Variants in AKAP9 observed in about 807,000 individuals in gnomAD.
AKAP9 encodes the protein A-kinase anchoring protein 9.
In AKAP9, 311 loss-of-function variants were observed where a neutral mutation model predicts 488.5. The observed-to-expected ratio is 0.64, with a 90% CI of 0.58 to 0.70. The LOEUF (loss-of-function observed/expected upper bound fraction) is 0.70, where lower values mean the gene tolerates loss of function less well. AKAP9 is among the 30% of genes least tolerant of loss of function. The pLI is 0.00. For synonymous variants in AKAP9, 1,462 were observed against 1,483.5 expected (o/e 0.99, Z 0.33); for missense variants, 4,215 against 4,374.5 (o/e 0.96, Z 1.03).
chr7:92,056,130 A>G (rs958231581), intron 22 of AKAP9, among the ~76,000 whole-genome samples: 1 of 152,002 alleles, frequency 6.6e-6, no homozygotes, highest in African/African-American at 2.4e-5. Flanking sequence ...TGTTTGCCCT[A>G]TTCTGAATCA....
Position 92,108,636 on chromosome 7 carries a change from G to A in AKAP9, c.11686+3G>A. The A allele has an allele frequency of 1.9e-6, 3 of 1,614,124 alleles. No homozygotes were observed. Among genetic ancestry groups the A allele is most frequent in the Non-Finnish European group, 2.5e-6 (3 of 1,180,002 alleles). ...ACGACTTGGAACTATACAGTCAGGT[G>A]CTCTGAGTTTAACCACATCTTGGCA... On this transcript the variant is annotated splice_donor_region_variant and intron_variant, in intron 49 of 49. Transcript: ENST00000356239.
Position 92,100,007 on chromosome 7 carries a change from G to A in AKAP9, c.10896+138G>A, listed in dbSNP as rs779834871. 15 of 721,078 alleles carry A rather than the reference G, an allele frequency of 2.1e-5. No homozygotes were observed. The Admixed American group carries it at 2.8e-4, about 13-fold the overall frequency. 44.7% of individuals were successfully genotyped at this position (721,078 alleles called of 1,614,324 possible). A position where few individuals can be genotyped will look rare whatever the true frequency, so the allele number is the denominator to read the frequency against. On this transcript the variant is annotated intron_variant, in intron 44 of 49. Coordinates refer to ENST00000356239, the MANE Select transcript of AKAP9 (RefSeq NM_005751.5). ...TAGGATCTGTAGAAAATTTTATAGGGATGACAATAATAATATTATTACTAA... is the reference window on the plus strand; with the variant it reads ...TAGGATCTGTAGAAAATTTTATAGGAATGACAATAATAATATTATTACTAA...
intron 15 of AKAP9, among the ~76,000 whole-genome samples, chr7:92,030,993 C>A (rs1804145197): frequency 6.6e-6 from 1 of 152,152 alleles, no homozygotes; most frequent in East Asian, 1.9e-4. Context: ...CATCCCATGT[C>A]ATGATGATTG....
chr7:92,010,518 T>C (rs4527812), intron 8 of AKAP9, among the ~76,000 whole-genome samples: 1 of 152,238 alleles, frequency 6.6e-6, no homozygotes, highest in Non-Finnish European at 1.5e-5. Context: ...TGAATACTGG[T>C]GTCTGAGTAC....
intron 31 of AKAP9, among the ~76,000 whole-genome samples, chr7:92,082,313 TTTCTC>T (rs1207951952): frequency 1.3e-5 from 2 of 152,204 alleles, no homozygotes; most frequent in Admixed American, 6.5e-5. Flanking sequence ...AAATCATTCT[TTTCTC>T]AAGAAGAAAA....
intron 39 of AKAP9, among the ~76,000 whole-genome samples, chr7:92,094,361 A>G (rs972240074): frequency 6.6e-6 from 1 of 151,034 alleles, no homozygotes; most frequent in African/African-American, 2.4e-5. Flanking sequence ...GTGAAACCCC[A>G]TCTCTACTAA....
At chr7:91,946,987 G>A (rs534802976) in intron 1 of AKAP9, among the ~76,000 whole-genome samples, 8 of 152,220 alleles carry the variant, frequency 5.3e-5, no homozygotes, top group African/African-American at 1.9e-4. Flanking sequence ...AAAGGTTATG[G>A]TAAATTGCTA....
intron 3 of AKAP9, among the ~76,000 whole-genome samples, chr7:91,982,482 G>T (rs1796556450): frequency 6.6e-6 from 1 of 152,066 alleles, no homozygotes; most frequent in African/African-American, 2.4e-5. Flanking sequence ...CAGAATGATG[G>T]TTTCCAGCTT....
Position 92,097,187 on chromosome 7 carries a change from T to G in AKAP9, c.10228T>G (p.Ser3410Ala). The G allele has an allele frequency of 6.2e-7, 1 of 1,613,400 alleles. No homozygotes were observed. The highest frequency in any genetic ancestry group is 8.5e-7 in the Non-Finnish European group (1 of 1,179,808). Residue 3410 changes from serine (S) to alanine (A), a missense_variant, in exon 41 of 50, where the codon TCC (serine) becomes GCC (alanine). This residue lies in a region of AKAP9 where 1,476 missense variants were observed against 1,477.4 expected (regional missense o/e 1.00). Transcript: ENST00000356239. ...ACAGAAAAAAATGCATGAGCTCCAG[T>G]CCAAAGTGGAAGATCTTCAGCGCCA... ...EGQKKMHELQSKVEDLQRQLE... is the reference protein window; with the variant it reads ...EGQKKMHELQAKVEDLQRQLE...
At chr7:91,956,854 T>C (rs1265940160) in intron 1 of AKAP9, among the ~76,000 whole-genome samples, 1 of 152,226 alleles carries the variant, frequency 6.6e-6, no homozygotes, top group Non-Finnish European at 1.5e-5. Context: ...ATAAATCAGT[T>C]GTTTTGGGCT....
rs530613238 is a variant in AKAP9, at chr7:92,086,275, T to G, written c.9072T>G (p.Gly3024=). ...ATGAGAGCTTCTCAGACTGGCGAGG[T>G]GAACTACTGCTTGCCCTTCAACAAG... The part of the protein sequence containing the change: ...QSHESFSDWR[G]ELLLALQQVF... The change falls in exon 37 of 50, where the codon GGT becomes GGG. Residue 3024 remains glycine, a synonymous_variant. Transcript: ENST00000356239. 2.0e-5 allele frequency: 33 copies of G among 1,614,166 alleles called. No individual in the cohort carries two copies. The highest frequency in any genetic ancestry group is 2.5e-5 in the Non-Finnish European group (30 of 1,180,010).
At chr7:92,044,690 G>T (rs1563040552) in intron 20 of AKAP9, among the ~76,000 whole-genome samples, 1 of 151,888 alleles carries the variant, frequency 6.6e-6, no homozygotes, top group Non-Finnish European at 1.5e-5. Context: ...TGTCTCCCAA[G>T]ATTTTCTCTT....
chr7:92,045,395 G>A (rs962373285), intron 21 of AKAP9, among the ~76,000 whole-genome samples, 182 bp downstream of exon 21: 3 of 152,032 alleles, frequency 2.0e-5, no homozygotes, highest in South Asian at 2.1e-4. Context: ...TTGCAAGTGG[G>A]TATCATAGAG....
chr7:91,952,959 G>A (rs1358088208), intron 1 of AKAP9, among the ~76,000 whole-genome samples: 2 of 152,166 alleles, frequency 1.3e-5, no homozygotes, highest in African/African-American at 2.4e-5. Context: ...GAGGACTACA[G>A]GCATGAGCCA....
At chr7:92,048,815 GAGAAT>G (rs2130797300) in intron 21 of AKAP9, among the ~76,000 whole-genome samples, 1 of 152,296 alleles carries the variant, frequency 6.6e-6, no homozygotes, top group African/African-American at 2.4e-5. Flanking sequence ...GCTGAAGCAA[GAGAAT>G]GCTTGAACCC....
Position 91,941,038 on chromosome 7 carries a change from T to G in AKAP9, c.-62T>G. On this transcript the variant is annotated 5_prime_UTR_variant, in exon 1 of 50. Coordinates refer to ENST00000356239, the MANE Select transcript of AKAP9 (RefSeq NM_005751.5). ...CGTCCCACCTCCGTCCAAATCGACCTTTCCTTTCTATCCCCAACCACCCCT... is the reference window on the plus strand; with the variant it reads ...CGTCCCACCTCCGTCCAAATCGACCGTTCCTTTCTATCCCCAACCACCCCT... The G allele has an allele frequency of 2.6e-6, 4 of 1,542,408 alleles. No homozygotes were observed. Among genetic ancestry groups the G allele is most frequent in the Non-Finnish European group, 3.6e-6 (4 of 1,114,810 alleles).
rs1331786459 is a variant in AKAP9, at chr7:92,084,632, C to A, written c.8647-8C>A. 1 of 1,600,248 alleles carries A rather than the reference C, an allele frequency of 6.2e-7. No individual in the cohort carries two copies. Among genetic ancestry groups the A allele is most frequent in the East Asian group, 2.2e-5 (1 of 44,722 alleles). ...AAAATATATGTACTTTTTGTTTTCTCTAATTAGGGATCCTCAATTCCTGAG... is the reference window on the plus strand; with the variant it reads ...AAAATATATGTACTTTTTGTTTTCTATAATTAGGGATCCTCAATTCCTGAG... On this transcript the variant is annotated splice_polypyrimidine_tract_variant and splice_region_variant and intron_variant, in intron 33 of 49. Transcript: ENST00000356239.
chr7:92,066,875 G>A (rs1455190442), intron 26 of AKAP9, among the ~76,000 whole-genome samples: 1 of 151,920 alleles, frequency 6.6e-6, no homozygotes, highest in African/African-American at 2.4e-5. Context: ...TCTCTTACTA[G>A]TCCACTCCAG....
At chr7:91,953,129 A>G (rs1355296573) in intron 1 of AKAP9, among the ~76,000 whole-genome samples, 9 of 152,244 alleles carry the variant, frequency 5.9e-5, no homozygotes, top group Admixed American at 5.9e-4. Context: ...ACAGTGAGGC[A>G]GGAACAGAGG....
Sources: allele counts gnomAD v4.1 joint callset (sites outside exome capture counted in the v4.1 genomes callset), GRCh38; gene constraint gnomAD v4.1.1; regional missense constraint gnomAD v4.1.1; transcripts MANE v1.5; gene names NCBI Gene and HGNC (gene_info 2026-07-23, HGNC 2026-07-21).